Variants in SOX6 observed in about 807,000 individuals in gnomAD.
SOX6 encodes the protein SRY-box transcription factor 6, also known as transcription factor SOX-6.
Under a neutral mutation model 97.8 loss-of-function variants are expected in SOX6, and 11 were observed. The ratio of observed to expected loss-of-function variants is 0.11; its 90% CI spans 0.07 to 0.19. The LOEUF (loss-of-function observed/expected upper bound fraction) is 0.19. Ranked by LOEUF, SOX6 falls within the 10% of genes least tolerant of loss-of-function variation. SOX6 has a pLI of 1.00. For missense variants in SOX6, 810 were observed against 1,039.5 expected, an observed-to-expected ratio of 0.78 and a Z score of 3.04; for synonymous variants, 360 against 371.4, an observed-to-expected ratio of 0.97 and a Z score of 0.35.
chr11:16,249,701 G>A (rs1853450811), intron 3 of SOX6, among the ~76,000 whole-genome samples: 1 of 152,136 alleles, frequency 6.6e-6, no homozygotes, highest in Admixed American at 6.6e-5. Context: ...ATCAGACCCA[G>A]TACCAGGATC....
At chr11:16,421,803 A>G (rs891436389) in intron 1 of SOX6, among the ~76,000 whole-genome samples, 1 of 152,238 alleles carries the variant, frequency 6.6e-6, no homozygotes, top group Admixed American at 6.5e-5. Flanking sequence ...GGCACTGTTA[A>G]GTATTGGAGT....
chr11:16,169,957 T>C (rs1850988288), intron 6 of SOX6, among the ~76,000 whole-genome samples: 1 of 151,850 alleles, frequency 6.6e-6, no homozygotes, highest in Admixed American at 6.6e-5. Context: ...TTCATGTTAA[T>C]AAACCTTGCT....
Position 15,967,607 on chromosome 11 carries a change from A to G in SOX6, c.*5202T>C, listed in dbSNP as rs1421218100. 2 of 152,248 alleles carry G rather than the reference A, an allele frequency of 1.3e-5. No homozygotes were observed. The highest frequency in any genetic ancestry group is 2.9e-5 in the Non-Finnish European group (2 of 68,046). 9.4% of individuals were successfully genotyped at this position (152,248 alleles called of 1,614,324 possible). On this transcript the variant is annotated 3_prime_UTR_variant, in exon 16 of 16. Transcript: ENST00000683767. ...TTTGCTACAAGCTGGAGGAGGGTAC[A>G]ATAAAGACTGCACTTTCAAAAAAGC...
At chr11:16,456,816 A>C (rs1859818616) in intron 1 of SOX6, among the ~76,000 whole-genome samples, 1 of 152,110 alleles carries the variant, frequency 6.6e-6, no homozygotes, top group African/African-American at 2.4e-5. Flanking sequence ...CCAGTGAAGA[A>C]ATAAAAGATT....
intron 13 of SOX6, among the ~76,000 whole-genome samples, chr11:15,994,070 A>G (rs1854148550): frequency 6.6e-6 from 1 of 152,220 alleles, no homozygotes; most frequent in African/African-American, 2.4e-5. Context: ...CAGCATTGTG[A>G]TGGGGTATAC....
rs77357506 is a variant in SOX6, at chr11:16,458,102, T to C, written c.-5+18213A>G. 7.3e-3 allele frequency among the ~76,000 whole-genome samples: 1,113 copies of C among 152,134 alleles called. 15 individuals are homozygous for C. Among genetic ancestry groups the C allele is most frequent in the African/African-American group, 0.024 (996 of 41,542 alleles). Reference sequence around the variant, plus strand: ...CTCTCTGGTGCCCCAAAACCTTACTTTCCTCTCTGCTTTCATTTACTCAAA... The same window carrying C: ...CTCTCTGGTGCCCCAAAACCTTACTCTCCTCTCTGCTTTCATTTACTCAAA... On this transcript the variant is annotated intron_variant, in intron 1 of 15. Coordinates refer to the SOX6 transcript ENST00000396356.
chr11:16,469,021 C>T (rs1309349254), intron 1 of SOX6, among the ~76,000 whole-genome samples: 1 of 150,122 alleles, frequency 6.7e-6, no homozygotes, highest in Non-Finnish European at 1.5e-5. Context: ...GCTGTGGTGG[C>T]ACAATATGTA....
At chr11:16,131,443 T>A (rs1737472388) in intron 6 of SOX6, among the ~76,000 whole-genome samples, 1 of 151,986 alleles carries the variant, frequency 6.6e-6, no homozygotes, top group African/African-American at 2.4e-5. Flanking sequence ...TTTAAAGGAT[T>A]AATAATGCCA....
At chr11:16,241,338 T>C (rs751968814) in intron 3 of SOX6, among the ~76,000 whole-genome samples, 1 of 152,198 alleles carries the variant, frequency 6.6e-6, no homozygotes, top group African/African-American at 2.4e-5. Context: ...CCTTCAGATG[T>C]GCCACAATTT....
chr11:16,265,587 A>T (rs1196767310), intron 3 of SOX6, among the ~76,000 whole-genome samples: 1 of 151,904 alleles, frequency 6.6e-6, no homozygotes, highest in Non-Finnish European at 1.5e-5. Context: ...GGAAAATATG[A>T]CCCTAATGAG....
chr11:16,668,994 A>C (rs2134023221), intron 3 of SOX6, among the ~76,000 whole-genome samples: 1 of 152,340 alleles, frequency 6.6e-6, no homozygotes, highest in South Asian at 2.1e-4. Flanking sequence ...TCAGACACAA[A>C]ATAAACAAAG....
chr11:16,452,396 T>A (rs1859734646), intron 1 of SOX6, among the ~76,000 whole-genome samples: 1 of 152,208 alleles, frequency 6.6e-6, no homozygotes, highest in Non-Finnish European at 1.5e-5. Flanking sequence ...TTAAGAAAGC[T>A]TGAGGATTCA....
At chr11:16,504,842 TG>T (rs1860760648) in intron 4 of SOX6, among the ~76,000 whole-genome samples, 1 of 152,164 alleles carries the variant, frequency 6.6e-6, no homozygotes. Flanking sequence ...TGGCTCCTGC[TG>T]GCCATGGGAA....
At chr11:16,543,152 G>T (rs1017729368) in intron 4 of SOX6, among the ~76,000 whole-genome samples, 1 of 152,022 alleles carries the variant, frequency 6.6e-6, no homozygotes, top group Non-Finnish European at 1.5e-5. Flanking sequence ...CTTTATCTTG[G>T]AACTCTTTAT....
intron 9 of SOX6, among the ~76,000 whole-genome samples, chr11:16,058,577 C>T (rs1033275149): frequency 3.3e-5 from 5 of 152,018 alleles, no homozygotes; most frequent in Admixed American, 6.6e-5. Flanking sequence ...ATATCAATAT[C>T]TACAGGTCAT....
At chr11:16,270,985 T>C (rs1342311180) in intron 3 of SOX6, among the ~76,000 whole-genome samples, 2 of 151,410 alleles carry the variant, frequency 1.3e-5, no homozygotes, top group Admixed American at 1.3e-4. Flanking sequence ...GAGTAATGAA[T>C]TGTACACTTA....
At chr11:16,736,831 C>T (rs1848394698) in intron 1 of SOX6, among the ~76,000 whole-genome samples, 1 of 151,958 alleles carries the variant, frequency 6.6e-6, no homozygotes, top group Admixed American at 6.6e-5. Flanking sequence ...AACAATGTTT[C>T]TTTTTTTTCT....
At chr11:16,623,999 G>A (rs1232901731) in intron 3 of SOX6, among the ~76,000 whole-genome samples, 1 of 151,966 alleles carries the variant, frequency 6.6e-6, no homozygotes, top group African/African-American at 2.4e-5. Flanking sequence ...CTACCCCTTC[G>A]GAGGCAATCA....
intron 6 of SOX6, among the ~76,000 whole-genome samples, chr11:16,175,939 C>G (rs971804150): frequency 1.3e-5 from 2 of 151,748 alleles, no homozygotes; most frequent in African/African-American, 4.8e-5. Context: ...AAACCATGGT[C>G]CATTAAAAGC....
Sources: gnomAD v4.1 joint callset for allele counts (sites outside exome capture counted in the v4.1 genomes callset) on GRCh38, gnomAD v4.1.1 for gene constraint, MANE v1.5 for transcripts, NCBI Gene and HGNC (gene_info 2026-07-23, HGNC 2026-07-21) for gene names.